The following TUT7 variants were observed in gnomAD, a reference collection of about 807,000 sequenced individuals.
TUT7 encodes terminal uridylyl transferase 7, also known as terminal uridylyltransferase 7.
A neutral mutation model predicts 165.9 loss-of-function variants in TUT7; 33 were observed. That is an observed-to-expected ratio of 0.20 (90% CI 0.15 to 0.27). The LOEUF (loss-of-function observed/expected upper bound fraction) is 0.27. TUT7 is among the 10% of genes least tolerant of loss of function. The pLI is 1.00. For missense variants in TUT7, 1,338 were observed against 1,762.3 expected (o/e 0.76, Z 4.31); for synonymous variants, 552 against 608.1 (o/e 0.91, Z 1.36).
chr9:86,291,750 G>A (rs1164863803), intron 26 of TUT7, among the ~76,000 whole-genome samples: 2 of 152,082 alleles, frequency 1.3e-5, no homozygotes, highest in Non-Finnish European at 2.9e-5. Flanking sequence ...CACTGCTGGT[G>A]GGAGTTCTAA....
At position 86,309,299 on chromosome 9, in the gene TUT7, A is replaced by AT. The variant is rs60833274; in HGVS notation, c.3583-11dup. ...TTTCACCTTTGTATATCTGAAATTA[A>AT]TTTTTAAACTATTAGTATGGATTAC... is the stretch of plus-strand genomic sequence containing the variant. On this transcript the variant is annotated splice_polypyrimidine_tract_variant and intron_variant, in intron 20 of 26. Coordinates refer to ENST00000375963, the MANE Select transcript of TUT7 (RefSeq NM_024617.4). 4 of 1,515,318 alleles carry AT rather than the reference A, an allele frequency of 2.6e-6. No homozygotes were observed. Among genetic ancestry groups the AT allele is most frequent in the Admixed American group, 1.8e-5 (1 of 54,064 alleles). 93.9% of individuals were successfully genotyped at this position (1,515,318 alleles called of 1,614,324 possible).
intron 8 of TUT7, 38 bp downstream of exon 8, chr9:86,339,998 T>A: frequency 1.3e-6 from 2 of 1,541,400 alleles, no homozygotes; most frequent in Non-Finnish European, 1.8e-6. Context: ...TTTTGGCAAG[T>A]TGAGAGTTAG....
At chr9:86,309,013 TG>T (rs1158729939) in intron 21 of TUT7, among the ~76,000 whole-genome samples, 198 bp downstream of exon 21, 1 of 152,198 alleles carries the variant, frequency 6.6e-6, no homozygotes, top group Non-Finnish European at 1.5e-5. Flanking sequence ...AAAGAAATAC[TG>T]GATATAGGCC....
intron 4 of TUT7, 126 bp downstream of exon 4, chr9:86,345,543 A>C (rs1831682432): frequency 1.4e-6 from 1 of 721,932 alleles, no homozygotes; most frequent in African/African-American, 1.8e-5. Flanking sequence ...TTTTGGCTCA[A>C]ATATATTCAA....
At chr9:86,353,955 CG>C (rs145039448) in intron 1 of TUT7, among the ~76,000 whole-genome samples, 5,624 of 152,288 alleles carry the variant, frequency 0.037, 357 homozygotes, top group African/African-American at 0.13. Flanking sequence ...GCTCCACCAC[CG>C]ATCTGCCTTA....
intron 12 of TUT7, 71 bp from the exon 13 acceptor site, chr9:86,324,031 T>C: frequency 8.0e-7 from 1 of 1,251,516 alleles, no homozygotes; most frequent in South Asian, 2.1e-5. Flanking sequence ...TTTTAAAAAT[T>C]AGCCTGCTGC....
At chr9:86,313,485 G>C (rs560478991) in intron 17 of TUT7, among the ~76,000 whole-genome samples, 36 of 152,310 alleles carry the variant, frequency 2.4e-4, no homozygotes, top group African/African-American at 8.4e-4. Flanking sequence ...TATGTGAAGA[G>C]TCCTTTACAA....
At chr9:86,310,356 A>T (rs1448590745) in intron 18 of TUT7, among the ~76,000 whole-genome samples, 1 of 152,134 alleles carries the variant, frequency 6.6e-6, no homozygotes, top group Non-Finnish European at 1.5e-5. Context: ...ATAATAATAA[A>T]GAATTATAAG....
intron 26 of TUT7, among the ~76,000 whole-genome samples, chr9:86,292,137 G>C (rs974853368): frequency 6.6e-6 from 1 of 152,076 alleles, no homozygotes; most frequent in Non-Finnish European, 1.5e-5. Context: ...CAGATCTCCC[G>C]GGCTCAAGCC....
rs1832404663 is a variant in TUT7 at position 86,352,720 on chromosome 9, T to C, written c.480A>G (p.Thr160=). ...TVRRLFHKDL[T]SLETTSEMEA... ...CCATTTCTGACGTGGTTTCTAGGCT[T>C]GTTAGGTCTTTATGAAACAGTCGTC... is the stretch of plus-strand genomic sequence containing the variant. The change falls in exon 2 of 27, where the codon ACA becomes ACG. Residue 160 remains threonine (T), a synonymous_variant. Transcript: ENST00000375963. 3.7e-6 allele frequency: 6 copies of C among 1,614,246 alleles called. No individual in the cohort carries two copies. The highest frequency in any genetic ancestry group is 5.1e-6 in the Non-Finnish European group (6 of 1,180,050).
chr9:86,291,306 A>G (rs1482758582), intron 26 of TUT7, among the ~76,000 whole-genome samples: 2 of 152,104 alleles, frequency 1.3e-5, no homozygotes, highest in Non-Finnish European at 2.9e-5. Flanking sequence ...ACATGTAAAA[A>G]GGGCCTGTAA....
At chr9:86,298,685 G>T in intron 26 of TUT7, 1 of 660,118 alleles carries the variant, frequency 1.5e-6, no homozygotes, top group Non-Finnish European at 1.9e-6. Context: ...GCACATATTT[G>T]GAGAAAAAGT....
At chr9:86,303,295 T>C in intron 24 of TUT7, 94 bp from the exon 25 acceptor site, 2 of 592,628 alleles carry the variant, frequency 3.4e-6, no homozygotes, top group Non-Finnish European at 6.0e-6. Flanking sequence ...TACAATTCAA[T>C]GTTGATATAA....
At chr9:86,318,348 T>C (rs900734848) in intron 16 of TUT7, among the ~76,000 whole-genome samples, 3 of 152,202 alleles carry the variant, frequency 2.0e-5, no homozygotes, top group African/African-American at 7.2e-5. Context: ...CATATGTGAA[T>C]GGGTGTGATT....
intron 17 of TUT7, among the ~76,000 whole-genome samples, chr9:86,312,540 C>T (rs1350829923): frequency 1.1e-4 from 17 of 152,064 alleles, no homozygotes; most frequent in East Asian, 2.0e-4. Context: ...AGGTGAGGGG[C>T]GCCTCTGCCC....
rs1829712968 is a variant in TUT7 at position 86,325,556 on chromosome 9, A to T, written c.1609-42T>A. On this transcript the variant is annotated intron_variant, in intron 11 of 26. Transcript: ENST00000375963. The stretch of plus-strand genomic sequence containing the variant: ...GAAACATACAGGTTATTTCAGATGT[A>T]AGTACAATCTGGAAAATTAAAGATC... The T allele has an allele frequency of 2.6e-6, 4 of 1,525,974 alleles. No homozygotes were observed. In the Admixed American group the frequency reaches 6.2e-5, roughly 24 times the overall value. 94.5% of individuals were successfully genotyped at this position (1,525,974 alleles called of 1,614,324 possible).
chr9:86,345,066 A>G lies in TUT7; in HGVS notation c.908T>C (p.Val303Ala). 6.2e-7 allele frequency: 1 copy of G among 1,613,864 alleles called. No homozygotes were observed. Among genetic ancestry groups the G allele is most frequent in the Non-Finnish European group, 8.5e-7 (1 of 1,179,902 alleles). Reference sequence around the variant, plus strand: ...CTCATTGTGTAAGCCAAATTCCTGTACCACTTTGTCAATGGCAATGCCAAC... The same window carrying G: ...CTCATTGTGTAAGCCAAATTCCTGTGCCACTTTGTCAATGGCAATGCCAAC... Reference protein sequence around the residue: ...NAVGIAIDKVVQEFGLHNENL... With the variant: ...NAVGIAIDKVAQEFGLHNENL... Residue 303 changes from valine to alanine, a missense_variant, in exon 5 of 27, where the codon GTA becomes GCA. Physicochemically the swap from Val to Ala is moderately conservative, Grantham distance 64 (BLOSUM62 0). This residue lies in a region of TUT7 where 434 missense variants were observed against 480.8 expected (regional missense o/e 0.90). Coordinates refer to ENST00000375963, the MANE Select transcript of TUT7 (RefSeq NM_024617.4).
intron 12 of TUT7, among the ~76,000 whole-genome samples, chr9:86,324,907 A>G (rs1465507027): frequency 6.6e-6 from 1 of 152,232 alleles, no homozygotes. Context: ...AATCCAATGG[A>G]GAATGACATT....
chr9:86,309,667 T>C (rs1329585185), intron 19 of TUT7, 91 bp from the exon 20 acceptor site: 9 of 1,118,546 alleles, frequency 8.0e-6, no homozygotes. Context: ...AAGTGCATAT[T>C]TTGAGAACTA....
Sources: gnomAD v4.1 joint callset for allele counts (sites outside exome capture counted in the v4.1 genomes callset) on GRCh38, gnomAD v4.1.1 for gene constraint, gnomAD v4.1.1 regional missense constraint, MANE v1.5 for transcripts, NCBI Gene and HGNC (gene_info 2026-07-23, HGNC 2026-07-21) for gene names.